The following PRRT2 variants were observed in gnomAD, a reference collection of about 807,000 sequenced individuals.
The protein encoded by PRRT2 is proline rich transmembrane protein 2.
Under a neutral mutation model 24.7 loss-of-function variants are expected in PRRT2, and 9 were observed. The observed-to-expected ratio is 0.36, with a 90% CI of 0.22 to 0.64. PRRT2 has a LOEUF of 0.64. Among genes scored for constraint, PRRT2 ranks in the 30% least tolerant of loss-of-function variants. The pLI is 0.65. For synonymous variants in PRRT2, 195 were observed against 175.5 expected (o/e 1.11, Z -0.88); for missense variants, 460 against 435.0 (o/e 1.06, Z -0.51).
rs730882124 is a variant in PRRT2, at chr16:29,813,703, CG to C, written c.650del (p.Arg217GlnfsTer12). ...CCCCCCAGCCAATGGGGCCCCCCCCCGAGTGCTGCAGCAGCTGGTTGAGGAG... is the reference window on the plus strand; with the variant it reads ...CCCCCCAGCCAATGGGGCCCCCCCCCAGTGCTGCAGCAGCTGGTTGAGGAG... The part of the protein sequence containing the change: ...KSPPANGAPP[R>X]VLQQLVEEDR... On this transcript the variant is annotated frameshift_variant, in exon 2 of 4. Coordinates refer to ENST00000358758, the MANE Select transcript of PRRT2 (RefSeq NM_145239.3). LOFTEE classifies it high-confidence loss of function. 1 of 1,578,562 alleles carries C rather than the reference CG, an allele frequency of 6.3e-7. No homozygotes were observed. Among genetic ancestry groups the C allele is most frequent in the Non-Finnish European group, 8.6e-7 (1 of 1,160,656 alleles).
Position 29,815,728 on chromosome 16 carries a change from A to T in PRRT2, c.*1090A>T. The T allele has an allele frequency of 7.1e-6, 1 of 140,056 alleles. No individual in the cohort carries two copies. Among genetic ancestry groups the T allele is most frequent in the East Asian group, 2.2e-4 (1 of 4,494 alleles). 8.7% of individuals were successfully genotyped at this position (140,056 alleles called of 1,614,324 possible). On this transcript the variant is annotated 3_prime_UTR_variant, in exon 4 of 4. Coordinates refer to ENST00000358758, the MANE Select transcript of PRRT2 (RefSeq NM_145239.3). Reference sequence around the variant, plus strand: ...TTTGGCGGGGGTTTTTTTCCTTAAAAAAAAAAAAAAAAAAAAAAAAAAAGT... The same window carrying T: ...TTTGGCGGGGGTTTTTTTCCTTAAATAAAAAAAAAAAAAAAAAAAAAAAGT...
rs1893828890 is a variant in PRRT2, at chr16:29,815,770, AC to A, written c.*1133del. On this transcript the variant is annotated 3_prime_UTR_variant, in exon 4 of 4. Transcript: ENST00000358758. ...AAAAAAAGTCTGGGGGAAGAAAAAAACTAAAATTCTTAAAAAAAAAAAAAAA... is the reference window on the plus strand; with the variant it reads ...AAAAAAAGTCTGGGGGAAGAAAAAAATAAAATTCTTAAAAAAAAAAAAAAA... 1 of 146,466 alleles carries A rather than the reference AC, an allele frequency of 6.8e-6. No homozygotes were observed. The highest frequency in any genetic ancestry group is 1.5e-5 in the Non-Finnish European group (1 of 66,958). 9.1% of individuals were successfully genotyped at this position (146,466 alleles called of 1,614,324 possible).
chr16:29,814,806 G>T lies in PRRT2; in HGVS notation c.*168G>T, dbSNP rs1376145327. ...CTGTCCTGCTCCTGCATCTTGCCAG[G>T]CTCCTCTGCCAACTGTAGGCCTGCC... is the stretch of plus-strand genomic sequence containing the variant. On this transcript the variant is annotated 3_prime_UTR_variant, in exon 4 of 4. Coordinates refer to ENST00000358758, the MANE Select transcript of PRRT2 (RefSeq NM_145239.3). The surrounding 1 kb of genome is among the most constrained non-coding windows in gnomAD (Gnocchi z 4.1). 2 of 697,720 alleles carry T rather than the reference G, an allele frequency of 2.9e-6. No individual in the cohort carries two copies. The highest frequency in any genetic ancestry group is 1.8e-5 in the African/African-American group (1 of 55,206). The allele number at this position is 697,720 out of a possible 1,614,324, so 43.2% of individuals were successfully genotyped here. A position where few individuals can be genotyped will look rare whatever the true frequency, so the allele number is the denominator to read the frequency against.
In PRRT2 at chr16:29,813,062, C is replaced by A; in HGVS notation, c.8C>A (p.Ala3Asp). 1 of 1,598,240 alleles carries A rather than the reference C, an allele frequency of 6.3e-7. No homozygotes were observed. The change falls in exon 2 of 4, where the codon GCC becomes GAC. Residue 3 changes from alanine to aspartate, a missense_variant. Physicochemically the swap from Ala to Asp is moderately radical, Grantham distance 126. Transcript: ENST00000358758. ...CCCCTCTCCCATCTCAAGATGGCAG[C>A]CAGCAGCTCTGAGATCTCTGAGATG... Reference protein sequence around the residue: MAASSSEISEMKG... With the variant: MADSSSEISEMKG...
chr16:29,814,450 G>A lies in PRRT2; in HGVS notation c.997G>A (p.Val333Ile), dbSNP rs749851660. The stretch of plus-strand genomic sequence containing the variant: ...AGTCCTCATCATCATCGCCTCCTGC[G>A]TCATCAACTTAGGCGGTGAGTGGGG... ...GGVLIIIASC[V>I]INLGVYK The change falls in exon 3 of 4, where the codon GTC (valine) becomes ATC (isoleucine). Residue 333 changes from valine (V) to isoleucine (I), a missense_variant. This residue lies in a region of PRRT2 where 64 missense variants were observed against 71.2 expected (regional missense o/e 0.90). Coordinates refer to ENST00000358758, the MANE Select transcript of PRRT2 (RefSeq NM_145239.3). This position sits in a 1 kb window ranked among gnomAD's most constrained non-coding sequence, Gnocchi z 4.1. 185 of 1,603,776 alleles carry A rather than the reference G, an allele frequency of 1.2e-4. 1 individual carries two copies. The highest frequency in any genetic ancestry group is 2.6e-4 in the South Asian group (23 of 89,724).
In PRRT2 at chr16:29,813,544, G is replaced by A. The variant is rs752707110; in HGVS notation, c.490G>A (p.Glu164Lys). 3.1e-6 allele frequency: 5 copies of A among 1,613,718 alleles called. No individual in the cohort carries two copies. The African/African-American group carries it at 4.0e-5, about 13-fold the overall frequency. The change falls in exon 2 of 4, where the codon GAG becomes AAG. Residue 164 changes from glutamate (E) to lysine (K), a missense_variant. This residue lies in a region of PRRT2 where 378 missense variants were observed against 324.6 expected (regional missense o/e 1.16). Transcript: ENST00000358758. Reference sequence around the variant, plus strand: ...CCTTCAACCAGAGCTCCCTACCCAGGAGGACCCCACCCCTGAGATTCTGTC... The same window carrying A: ...CCTTCAACCAGAGCTCCCTACCCAGAAGGACCCCACCCCTGAGATTCTGTC... ...PALQPELPTQ[E>K]DPTPEILSES...
Position 29,814,082 on chromosome 16 carries a change from T to G in PRRT2, c.879+149T>G. On this transcript the variant is annotated intron_variant, in intron 2 of 3. Transcript: ENST00000358758. This position sits in a 1 kb window ranked among gnomAD's most constrained non-coding sequence, Gnocchi z 4.1. Reference sequence around the variant, plus strand: ...CCCAATTCCAGGGCCTTTGTTTGCCTCTCCCTAGGACCTAACCCTCTGAGC... The same window carrying G: ...CCCAATTCCAGGGCCTTTGTTTGCCGCTCCCTAGGACCTAACCCTCTGAGC... 6.8e-7 allele frequency: 1 copy of G among 1,468,260 alleles called. No individual in the cohort carries two copies. The highest frequency in any genetic ancestry group is 1.4e-5 in the African/African-American group (1 of 70,522). 91.0% of individuals were successfully genotyped at this position (1,468,260 alleles called of 1,614,324 possible). A position where few individuals can be genotyped will look rare whatever the true frequency, so the allele number is the denominator to read the frequency against.
Position 29,814,846 on chromosome 16 carries a change from G to A in PRRT2, c.*208G>A. ...GTAGGCCTGCCTCATCCCTGCACTG[G>A]TTCCAACCTCCCTGCACTAATGCCT... On this transcript the variant is annotated 3_prime_UTR_variant, in exon 4 of 4. Transcript: ENST00000358758. This position sits in a 1 kb window ranked among gnomAD's most constrained non-coding sequence, Gnocchi z 4.1. 3.5e-6 allele frequency: 2 copies of A among 570,182 alleles called. No homozygotes were observed. Among genetic ancestry groups the A allele is most frequent in the Non-Finnish European group, 6.1e-6 (2 of 327,356 alleles). 35.3% of individuals were successfully genotyped at this position (570,182 alleles called of 1,614,324 possible). A position where few individuals can be genotyped will look rare whatever the true frequency, so the allele number is the denominator to read the frequency against.
rs1258347023 is a variant in PRRT2, at chr16:29,812,261, C to G, written c.-128C>G. On this transcript the variant is annotated 5_prime_UTR_variant, in exon 1 of 4. Transcript: ENST00000358758. ...CCTCCCTAGCTGACTTGCTCCCTCC[C>G]GGGCTGCGGCTGCTGCAAAAGCCAG... The G allele has an allele frequency of 2.5e-5, 4 of 157,414 alleles. No individual in the cohort carries two copies. The East Asian group carries it at 7.7e-4, about 30-fold the overall frequency. 9.8% of individuals were successfully genotyped at this position (157,414 alleles called of 1,614,324 possible).
Position 29,814,050 on chromosome 16 carries a change from C to T in PRRT2, c.879+117C>T. ...TTCCCCTCTCCTCTCTGCATGGATC[C>T]CACCTCCCCAATTCCAGGGCCTTTG... On this transcript the variant is annotated intron_variant, in intron 2 of 3. Transcript: ENST00000358758. This position sits in a 1 kb window ranked among gnomAD's most constrained non-coding sequence, Gnocchi z 4.1. 6.7e-7 allele frequency: 1 copy of T among 1,484,492 alleles called. No homozygotes were observed. The highest frequency in any genetic ancestry group is 2.4e-5 in the East Asian group (1 of 42,450). The allele number at this position is 1,484,492 out of a possible 1,614,324, so 92.0% of individuals were successfully genotyped here. A position where few individuals can be genotyped will look rare whatever the true frequency, so the allele number is the denominator to read the frequency against.
Position 29,814,495 on chromosome 16 carries a change from G to A in PRRT2, c.1012+30G>A, listed in dbSNP as rs1286493356. On this transcript the variant is annotated intron_variant, in intron 3 of 3. Coordinates refer to ENST00000358758, the MANE Select transcript of PRRT2 (RefSeq NM_145239.3). The surrounding 1 kb of genome is among the most constrained non-coding windows in gnomAD (Gnocchi z 4.1). ...GTGGGGGCTTGGGACAGGCAGGGGA[G>A]GAATGGAAGGGTTGGCAAGGGCAGC... The A allele has an allele frequency of 1.2e-6, 2 of 1,606,186 alleles. No individual in the cohort carries two copies. The highest frequency in any genetic ancestry group is 1.7e-5 in the Admixed American group (1 of 59,304).
At chr16:29,813,968 T>C (rs1900120066) in intron 2 of PRRT2, 35 bp downstream of exon 2, 1 of 1,536,072 alleles carries the variant, frequency 6.5e-7, no homozygotes, top group South Asian at 1.3e-5. Context: ...AGGCCTGCTG[T>C]GGCTCCCAGC....
rs758246761 is a variant in PRRT2 at position 29,813,773 on chromosome 16, G to A, written c.719G>A (p.Arg240Gln). The A allele has an allele frequency of 4.9e-5, 79 of 1,601,306 alleles. No homozygotes were observed. The highest frequency in any genetic ancestry group is 6.8e-5 in the Admixed American group (4 of 58,538). Residue 240 changes from arginine to glutamine, a missense_variant, in exon 2 of 4, where the codon CGA (arginine) becomes CAA (glutamine). By Grantham distance (43) the Arg-to-Gln change is conservative (BLOSUM62 1). Around this residue, in one of 3 missense-constraint regions of PRRT2, gnomAD observed 378 missense variants for 324.6 expected, o/e 1.16. Coordinates refer to ENST00000358758, the MANE Select transcript of PRRT2 (RefSeq NM_145239.3). The stretch of plus-strand genomic sequence containing the variant: ...CACAGTGGGCATCCAGGATCTCCCC[G>A]AGGTAGCCTGAGCCGCCACCCCAGC... ...RAHSGHPGSPRGSLSRHPSSQ... is the reference protein window; with the variant it reads ...RAHSGHPGSPQGSLSRHPSSQ...
chr16:29,815,802 A>G lies in PRRT2; in HGVS notation c.*1164A>G, dbSNP rs1486140640. On this transcript the variant is annotated 3_prime_UTR_variant, in exon 4 of 4. Coordinates refer to ENST00000358758, the MANE Select transcript of PRRT2 (RefSeq NM_145239.3). The stretch of plus-strand genomic sequence containing the variant: ...TTCTTAAAAAAAAAAAAAAAAGGCT[A>G]TTATCAAACTGATTTCTCCCTTTTT... The G allele has an allele frequency of 2.0e-5, 3 of 146,570 alleles. No individual in the cohort carries two copies. Among genetic ancestry groups the G allele is most frequent in the Non-Finnish European group, 4.5e-5 (3 of 66,924 alleles). The allele number at this position is 146,570 out of a possible 1,614,324, so 9.1% of individuals were successfully genotyped here. A position where few individuals can be genotyped will look rare whatever the true frequency, so the allele number is the denominator to read the frequency against.
At position 29,815,609 on chromosome 16, in the gene PRRT2, G is replaced by A. The variant is rs1035137726; in HGVS notation, c.*971G>A. On this transcript the variant is annotated 3_prime_UTR_variant, in exon 4 of 4. Transcript: ENST00000358758. The stretch of plus-strand genomic sequence containing the variant: ...CTGGCAGGAGCGAGGGCGGGGCGCC[G>A]CGCTCTATAATTATTTTCTAAGATG... The A allele has an allele frequency of 8.6e-5, 13 of 152,040 alleles. No individual in the cohort carries two copies. Among genetic ancestry groups the A allele is most frequent in the Non-Finnish European group, 1.8e-4 (12 of 67,948 alleles). The allele number at this position is 152,040 out of a possible 1,614,324, so 9.4% of individuals were successfully genotyped here.
rs1027754399 is a variant in PRRT2, at chr16:29,814,592, C to A, written c.1013-36C>A. 1 of 1,608,870 alleles carries A rather than the reference C, an allele frequency of 6.2e-7. No homozygotes were observed. The highest frequency in any genetic ancestry group is 8.5e-7 in the Non-Finnish European group (1 of 1,175,602). On this transcript the variant is annotated intron_variant, in intron 3 of 3. Transcript: ENST00000358758. The surrounding 1 kb of genome is among the most constrained non-coding windows in gnomAD (Gnocchi z 4.1). ...CTCCTTTGTCTCTCCTTGTCTCCCC[C>A]TCCCCCCGTCTGTCCTTCCCTCTCC...
In PRRT2 at chr16:29,813,064, A is replaced by G. The variant is rs1257121924; in HGVS notation, c.10A>G (p.Ser4Gly). The G allele has an allele frequency of 6.2e-7, 1 of 1,600,636 alleles. No homozygotes were observed. Among genetic ancestry groups the G allele is most frequent in the South Asian group, 1.1e-5 (1 of 89,656 alleles). The change falls in exon 2 of 4, where the codon AGC (serine) becomes GGC (glycine). Residue 4 changes from serine to glycine, a missense_variant. This residue lies in a region of PRRT2 where 378 missense variants were observed against 324.6 expected (regional missense o/e 1.16). Transcript: ENST00000358758. MAA[S>G]SSEISEMKGV... ...CCTCTCCCATCTCAAGATGGCAGCCAGCAGCTCTGAGATCTCTGAGATGAA... is the reference window on the plus strand; with the variant it reads ...CCTCTCCCATCTCAAGATGGCAGCCGGCAGCTCTGAGATCTCTGAGATGAA...
chr16:29,814,792 C>T lies in PRRT2; in HGVS notation c.*154C>T, dbSNP rs1567381059. On this transcript the variant is annotated 3_prime_UTR_variant, in exon 4 of 4. Transcript: ENST00000358758. The surrounding 1 kb of genome is among the most constrained non-coding windows in gnomAD (Gnocchi z 4.1). ...CTTGTTTACAGCTTCTGTCCTGCTC[C>T]TGCATCTTGCCAGGCTCCTCTGCCA... The T allele has an allele frequency of 1.3e-6, 1 of 771,968 alleles. No homozygotes were observed. The highest frequency in any genetic ancestry group is 2.1e-6 in the Non-Finnish European group (1 of 483,552). The allele number at this position is 771,968 out of a possible 1,614,324, so 47.8% of individuals were successfully genotyped here.
Position 29,814,979 on chromosome 16 carries a change from G to T in PRRT2, c.*341G>T. The T allele has an allele frequency of 3.1e-6, 1 of 322,628 alleles. No individual in the cohort carries two copies. The allele number at this position is 322,628 out of a possible 1,614,324, so 20.0% of individuals were successfully genotyped here. ...CCAACTCTGCGCTCTCAGCCTCCCT[G>T]CATCTCTCCTGGCCTCCCTGCACTT... On this transcript the variant is annotated 3_prime_UTR_variant, in exon 4 of 4. Transcript: ENST00000358758. This position sits in a 1 kb window ranked among gnomAD's most constrained non-coding sequence, Gnocchi z 4.1.
Sources: allele counts gnomAD v4.1 joint callset, GRCh38; gene constraint gnomAD v4.1.1; regional missense constraint gnomAD v4.1.1; non-coding constraint Gnocchi (gnomAD v3.1); transcripts MANE v1.5; gene names NCBI Gene and HGNC (gene_info 2026-07-23, HGNC 2026-07-21).